The following LARGE1 variants were observed in gnomAD, a reference collection of about 807,000 sequenced individuals.
LARGE1 encodes LARGE xylosyl- and glucuronyltransferase 1.
A neutral mutation model predicts 87.6 loss-of-function variants in LARGE1; 43 were observed. That is an observed-to-expected ratio of 0.49 (90% confidence interval 0.38 to 0.63). LARGE1 has a LOEUF of 0.63. Ranked by LOEUF, LARGE1 falls within the 30% of genes least tolerant of loss-of-function variation. The pLI, the probability that LARGE1 is intolerant of heterozygous loss-of-function variation, is 0.00. For synonymous variants in LARGE1, 434 were observed against 394.6 expected (o/e 1.10, Z -1.18); for missense variants, 802 against 1,000.2 (o/e 0.80, Z 2.67).
chr22:33,888,315 G>A (rs1462392721), intron 1 of LARGE1, among the ~76,000 whole-genome samples: 1 of 151,880 alleles, frequency 6.6e-6, no homozygotes, highest in Non-Finnish European at 1.5e-5. Context: ...AGCCCATGAA[G>A]GAACACTGTT....
At chr22:33,854,906 G>A (rs1426854611) in intron 1 of LARGE1, among the ~76,000 whole-genome samples, 1 of 152,176 alleles carries the variant, frequency 6.6e-6, no homozygotes, top group Non-Finnish European at 1.5e-5. Flanking sequence ...AAGCGAGGCC[G>A]CGTCCTTCAC....
chr22:33,071,974 T>G, the LARGE1 span, among the ~76,000 whole-genome samples: 2 of 152,202 alleles, frequency 1.3e-5, no homozygotes, highest in Non-Finnish European at 2.9e-5. Flanking sequence ...CTGATCTTGT[T>G]TTGATCCCCT....
At chr22:33,166,452 C>A in exon 12 of LARGE1, 1 of 297,838 alleles carries the variant, frequency 3.4e-6, no homozygotes, top group Non-Finnish European at 6.6e-6. Flanking sequence ...TGTTCATCTG[C>A]ACCTACCACT....
chr22:33,382,081 C>T (rs756642436), intron 8 of LARGE1, 37 bp from the exon 9 acceptor site: 54 of 1,612,986 alleles, frequency 3.3e-5, no homozygotes, highest in Non-Finnish European at 4.2e-5. Context: ...TCAAGACAGT[C>T]GGATGGTCCA....
chr22:33,740,488 T>C (rs2083838798), intron 2 of LARGE1, among the ~76,000 whole-genome samples: 1 of 152,228 alleles, frequency 6.6e-6, no homozygotes, highest in African/African-American at 2.4e-5. Context: ...AAAAGGTCAT[T>C]ATCACCTAAG....
chr22:33,552,487 G>A (rs982790377), intron 6 of LARGE1, among the ~76,000 whole-genome samples: 10 of 152,052 alleles, frequency 6.6e-5, no homozygotes, highest in Non-Finnish European at 1.3e-4. Flanking sequence ...TAGCAATGGT[G>A]CAGATGCTCC....
chr22:33,735,866 T>A (rs1344942221), intron 2 of LARGE1, among the ~76,000 whole-genome samples: 1 of 152,224 alleles, frequency 6.6e-6, no homozygotes, highest in East Asian at 1.9e-4. Flanking sequence ...ATTCTGACAT[T>A]TCATATAAAT....
At chr22:33,080,833 T>C in the LARGE1 span, among the ~76,000 whole-genome samples, 1 of 152,184 alleles carries the variant, frequency 6.6e-6, no homozygotes, top group African/African-American at 2.4e-5. Flanking sequence ...GAACCTCGGT[T>C]CAGTTTACCC....
intron 1 of LARGE1, among the ~76,000 whole-genome samples, chr22:33,773,367 G>A (rs1290384269): frequency 6.6e-6 from 1 of 152,144 alleles, no homozygotes; most frequent in African/African-American, 2.4e-5. Context: ...GGACCACAAG[G>A]GTCCACTCCT....
intron 11 of LARGE1, among the ~76,000 whole-genome samples, chr22:33,208,654 T>C (rs1484387516): frequency 6.6e-6 from 1 of 152,090 alleles, no homozygotes; most frequent in Non-Finnish European, 1.5e-5. Flanking sequence ...ACACGTGCCA[T>C]GGTGGTTTGC....
At chr22:33,271,002 T>C (rs774160951), downstream of LARGE1, among the ~76,000 whole-genome samples, 1 of 152,198 alleles carries the variant, frequency 6.6e-6, no homozygotes, top group Non-Finnish European at 1.5e-5. Flanking sequence ...AGAGAATCAA[T>C]TACTATCCCC....
Position 33,384,514 on chromosome 22 carries a change from C to G in LARGE1, c.893-210G>C, listed in dbSNP as rs1275608770. Reference sequence around the variant, plus strand: ...GGCACCTGTTTTGGAGACGAATACACCTGGGTTCAAGCCTAGGACCTGCCA... The same window carrying G: ...GGCACCTGTTTTGGAGACGAATACAGCTGGGTTCAAGCCTAGGACCTGCCA... On this transcript the variant is annotated intron_variant, in intron 7 of 14. Transcript: ENST00000397394. 1.6e-5 allele frequency among the ~76,000 whole-genome samples: 2 copies of G among 125,054 alleles called. 1 individual carries two copies. Among genetic ancestry groups the G allele is most frequent in the Non-Finnish European group, 3.8e-5 (2 of 52,436 alleles). 82.0% of individuals were successfully genotyped at this position (125,054 alleles called of 152,430 possible).
intron 2 of LARGE1, among the ~76,000 whole-genome samples, chr22:33,654,405 C>A (rs1462814832): frequency 2.0e-5 from 3 of 152,240 alleles, no homozygotes; most frequent in African/African-American, 7.2e-5. Flanking sequence ...AGTCCCCTCT[C>A]AGCTCTAACT....
intron 9 of LARGE1, among the ~76,000 whole-genome samples, chr22:33,350,808 T>G (rs943016861): frequency 2.6e-5 from 4 of 152,204 alleles, no homozygotes; most frequent in Admixed American, 2.6e-4. Context: ...CAGTCATGCC[T>G]GACCAGCCAG....
At chr22:33,392,514 C>G (rs1388932003) in intron 7 of LARGE1, among the ~76,000 whole-genome samples, 1 of 151,948 alleles carries the variant, frequency 6.6e-6, no homozygotes, top group Admixed American at 6.6e-5. Context: ...CAAAAATTAG[C>G]CAGATGTGGT....
At chr22:33,304,682 T>C (rs143560066) in intron 11 of LARGE1, among the ~76,000 whole-genome samples, 175 bp from the exon 12 acceptor site, 1 of 152,340 alleles carries the variant, frequency 6.6e-6, no homozygotes, top group East Asian at 1.9e-4. Flanking sequence ...ATCAAAACAC[T>C]TACCTTGCTG....
At chr22:33,433,849 C>T (rs1211369966) in intron 6 of LARGE1, among the ~76,000 whole-genome samples, 1 of 152,136 alleles carries the variant, frequency 6.6e-6, no homozygotes, top group Non-Finnish European at 1.5e-5. Context: ...TATAGCATCT[C>T]CTTGGTATGA....
At chr22:33,557,670 A>G (rs1225544008) in intron 6 of LARGE1, among the ~76,000 whole-genome samples, 2 of 152,112 alleles carry the variant, frequency 1.3e-5, no homozygotes, top group African/African-American at 4.8e-5. Flanking sequence ...GGTTCAAGCA[A>G]TTCTCCTGCC....
At chr22:33,783,384 G>A (rs1419221395) in intron 1 of LARGE1, among the ~76,000 whole-genome samples, 2 of 152,146 alleles carry the variant, frequency 1.3e-5, no homozygotes, top group African/African-American at 2.4e-5. Context: ...GGCCAACATG[G>A]CAAAACCCCA....
Sources: gnomAD v4.1 joint callset for allele counts (sites outside exome capture counted in the v4.1 genomes callset) on GRCh38, gnomAD v4.1.1 for gene constraint, MANE v1.5 for transcripts, NCBI Gene and HGNC (gene_info 2026-07-23, HGNC 2026-07-21) for gene names.